RUNDC3B: variants seen among roughly 807,000 people sequenced by gnomAD.
RUNDC3B encodes RUN domain-containing protein 3B.
A neutral mutation model predicts 58.4 loss-of-function variants in RUNDC3B; 33 were observed. The observed-to-expected ratio is 0.56, with a 90% CI of 0.43 to 0.75. The LOEUF is 0.75. Ranked by LOEUF, RUNDC3B falls within the 30% of genes least tolerant of loss-of-function variation. The pLI, the probability that RUNDC3B is intolerant of heterozygous loss-of-function variation, is 0.00. For synonymous variants in RUNDC3B, 193 were observed against 195.2 expected (o/e 0.99, Z 0.10); for missense variants, 501 against 535.7 (o/e 0.94, Z 0.64).
intron 9 of RUNDC3B, among the ~76,000 whole-genome samples, chr7:87,814,644 G>A (rs1322364151): frequency 6.6e-6 from 1 of 152,046 alleles, no homozygotes; most frequent in Non-Finnish European, 1.5e-5. Context: ...CATATAGTAA[G>A]TGCTATATAA....
intron 6 of RUNDC3B, among the ~76,000 whole-genome samples, chr7:87,761,629 C>T (rs1833686982): frequency 6.6e-6 from 1 of 151,928 alleles, no homozygotes; most frequent in Admixed American, 6.6e-5. Context: ...TGGAGTATTA[C>T]TCAGCCTTAA....
intron 8 of RUNDC3B, among the ~76,000 whole-genome samples, chr7:87,806,537 T>G (rs986365875): frequency 2.0e-5 from 3 of 152,196 alleles, no homozygotes; most frequent in African/African-American, 7.2e-5. Flanking sequence ...GAGTAAGACC[T>G]TTGCTTTTAA....
At chr7:87,727,371 G>A (rs1178546413) in intron 4 of RUNDC3B, among the ~76,000 whole-genome samples, 1 of 152,136 alleles carries the variant, frequency 6.6e-6, no homozygotes, top group Non-Finnish European at 1.5e-5. Flanking sequence ...TCTCATGGAT[G>A]CAGAAAAGGC....
intron 2 of RUNDC3B, among the ~76,000 whole-genome samples, chr7:87,662,467 A>G (rs1372509512): frequency 1.3e-5 from 2 of 152,192 alleles, no homozygotes; most frequent in Non-Finnish European, 1.5e-5. Context: ...ATTCTTCTGC[A>G]TATGGATAAC....
At chr7:87,778,440 CAA>C (rs34916526) in intron 8 of RUNDC3B, among the ~76,000 whole-genome samples, 31 of 69,236 alleles carry the variant, frequency 4.5e-4, no homozygotes, top group Admixed American at 4.7e-4. Flanking sequence ...AAAACTCTGT[CAA>C]AAAAAAAAAA....
chr7:87,704,646 G>A (rs1398887834), intron 3 of RUNDC3B, among the ~76,000 whole-genome samples: 1 of 152,120 alleles, frequency 6.6e-6, no homozygotes, highest in Non-Finnish European at 1.5e-5. Context: ...CTGGTATTGA[G>A]AATCAAAACA....
At chr7:87,729,074 A>G (rs1363253403) in intron 4 of RUNDC3B, among the ~76,000 whole-genome samples, 1 of 152,064 alleles carries the variant, frequency 6.6e-6, no homozygotes, top group Non-Finnish European at 1.5e-5. Context: ...AAAGTTTGCT[A>G]TTTTTCAATA....
rs567801686 is a variant in RUNDC3B at position 87,695,596 on chromosome 7, T to C, written c.239-4825T>C. Among the ~76,000 whole-genome samples, 72 of 152,254 alleles carry C rather than the reference T, an allele frequency of 4.7e-4. 1 individual carries two copies. Among genetic ancestry groups the C allele is most frequent in the Admixed American group, 9.1e-4 (14 of 15,304 alleles). On this transcript the variant is annotated intron_variant, in intron 2 of 10. Coordinates refer to ENST00000394654, the MANE Select transcript of RUNDC3B (RefSeq NM_001134405.2). ...GTCTTTAATATTGTCAAGTAGGTGATATATTTTAACTAACAGAACTTTCAT... is the reference window on the plus strand; with the variant it reads ...GTCTTTAATATTGTCAAGTAGGTGACATATTTTAACTAACAGAACTTTCAT...
intron 9 of RUNDC3B, among the ~76,000 whole-genome samples, chr7:87,814,087 G>A (rs1299657415): frequency 6.7e-6 from 1 of 149,716 alleles, no homozygotes; most frequent in Non-Finnish European, 1.5e-5. Flanking sequence ...CTTGGAGAAT[G>A]ATTTCTTTCT....
chr7:87,806,397 A>G (rs1836435256), intron 8 of RUNDC3B, among the ~76,000 whole-genome samples: 1 of 152,150 alleles, frequency 6.6e-6, no homozygotes, highest in South Asian at 2.1e-4. Flanking sequence ...TATCTGTGGA[A>G]GTTAGTGGCA....
chr7:87,811,077 A>G (rs1043821792), intron 9 of RUNDC3B, among the ~76,000 whole-genome samples: 3 of 152,164 alleles, frequency 2.0e-5, no homozygotes, highest in African/African-American at 7.2e-5. Context: ...ATATATATGT[A>G]AAGTCTAGGT....
chr7:87,813,976 G>A (rs1220186282), intron 9 of RUNDC3B, among the ~76,000 whole-genome samples: 10 of 145,256 alleles, frequency 6.9e-5, no homozygotes, highest in Admixed American at 5.5e-4. Context: ...GCGAGACTCC[G>A]TCTCAAAAAA....
At chr7:87,679,914 G>A (rs1826757676) in intron 2 of RUNDC3B, among the ~76,000 whole-genome samples, 1 of 150,556 alleles carries the variant, frequency 6.6e-6, no homozygotes, top group Admixed American at 6.6e-5. Context: ...GTTTGAAAAT[G>A]TAAAAATACA....
At chr7:87,768,053 A>C (rs1176270116) in intron 6 of RUNDC3B, among the ~76,000 whole-genome samples, 1 of 151,924 alleles carries the variant, frequency 6.6e-6, no homozygotes, top group Non-Finnish European at 1.5e-5. Flanking sequence ...AGGGAGAGGG[A>C]GGTGAGTCAT....
At chr7:87,706,069 G>T (rs1362425901) in intron 3 of RUNDC3B, among the ~76,000 whole-genome samples, 3 of 152,178 alleles carry the variant, frequency 2.0e-5, no homozygotes, top group South Asian at 2.1e-4. Context: ...GGCTTTCTTA[G>T]GTTTCTGGTT....
At chr7:87,725,244 C>G (rs2130782475) in intron 4 of RUNDC3B, among the ~76,000 whole-genome samples, 1 of 152,304 alleles carries the variant, frequency 6.6e-6, no homozygotes, top group Middle Eastern at 3.4e-3. Context: ...TCCCCACTCC[C>G]CGCACCCCAC....
intron 2 of RUNDC3B, among the ~76,000 whole-genome samples, chr7:87,668,894 A>G (rs1034210471): frequency 1.3e-5 from 2 of 152,096 alleles, no homozygotes; most frequent in Non-Finnish European, 2.9e-5. Flanking sequence ...TTTTATTCCA[A>G]TTATTTGGTC....
intron 10 of RUNDC3B, among the ~76,000 whole-genome samples, chr7:87,828,251 G>A (rs1837943625): frequency 6.6e-6 from 1 of 152,158 alleles, no homozygotes; most frequent in African/African-American, 2.4e-5. Context: ...TCAAAGGGGT[G>A]TATTTGCAGG....
Position 87,662,318 on chromosome 7 carries a change from T to C in RUNDC3B, c.238+11381T>C, listed in dbSNP as rs147109444. ...TTCTTATGGGGTGTCAGTCAAGAAATCCTTGCCCAGTCCAATGTCCTGGAG... is the reference window on the plus strand; with the variant it reads ...TTCTTATGGGGTGTCAGTCAAGAAACCCTTGCCCAGTCCAATGTCCTGGAG... On this transcript the variant is annotated intron_variant, in intron 2 of 10. Transcript: ENST00000394654. 8.4e-4 allele frequency among the ~76,000 whole-genome samples: 128 copies of C among 152,274 alleles called. 2 individuals carry two copies. In the East Asian group the frequency reaches 0.018, roughly 22 times the overall value.
Sources: allele counts gnomAD v4.1 joint callset (sites outside exome capture counted in the v4.1 genomes callset), GRCh38; gene constraint gnomAD v4.1.1; transcripts MANE v1.5; gene names NCBI Gene and HGNC (gene_info 2026-07-23, HGNC 2026-07-21).